Variants in MEIS1 observed in about 807,000 individuals in gnomAD.
MEIS1 encodes Meis homeobox 1.
MEIS1 carries 5 observed loss-of-function variants against 50.8 expected under a neutral mutation model. That is an observed-to-expected ratio of 0.10 (90% confidence interval 0.05 to 0.21). MEIS1 has a LOEUF of 0.21. Among genes scored for constraint, MEIS1 ranks in the 10% least tolerant of loss-of-function variants. The pLI, the probability that MEIS1 is intolerant of heterozygous loss-of-function variation, is 1.00. For missense variants in MEIS1, 318 were observed against 517.3 expected, an observed-to-expected ratio of 0.61 and a Z score of 3.74; for synonymous variants, 176 against 179.3, an observed-to-expected ratio of 0.98 and a Z score of 0.15.
intron 6 of MEIS1, among the ~76,000 whole-genome samples, chr2:66,454,062 C>T (rs540858586): frequency 2.7e-4 from 41 of 152,046 alleles, no homozygotes; most frequent in Non-Finnish European, 3.7e-4. Context: ...TGCACCTTGA[C>T]GGGCCTTAGT....
chr2:66,558,469 G>A (rs1675130954), intron 9 of MEIS1, among the ~76,000 whole-genome samples: 1 of 152,032 alleles, frequency 6.6e-6, no homozygotes, highest in African/African-American at 2.4e-5. Context: ...CTTTATTCGA[G>A]AGATTGTTTT....
intron 8 of MEIS1, among the ~76,000 whole-genome samples, chr2:66,529,418 C>T (rs11688599): frequency 0.23 from 35,474 of 152,124 alleles, 5,103 homozygotes; most frequent in Non-Finnish European, 0.33. Context: ...TGACTTTTGT[C>T]ATTTATTTGT....
At chr2:66,557,061 A>G (rs570531619) in intron 9 of MEIS1, among the ~76,000 whole-genome samples, 16 of 152,312 alleles carry the variant, frequency 1.1e-4, no homozygotes, top group African/African-American at 3.1e-4. Flanking sequence ...GCAAATAACA[A>G]AGGAATATAA....
chr2:66,494,950 C>T (rs193228041), intron 7 of MEIS1, among the ~76,000 whole-genome samples: 3 of 152,114 alleles, frequency 2.0e-5, no homozygotes, highest in East Asian at 1.9e-4. Flanking sequence ...CCCGGTGTTG[C>T]GAAATTACTG....
At chr2:66,461,565 C>A (rs923056684) in intron 6 of MEIS1, among the ~76,000 whole-genome samples, 3 of 152,128 alleles carry the variant, frequency 2.0e-5, no homozygotes, top group African/African-American at 7.2e-5. Flanking sequence ...TATTCATAGG[C>A]CTTCTGGAGG....
chr2:66,449,366 T>G (rs1672228204), intron 6 of MEIS1, among the ~76,000 whole-genome samples: 1 of 152,260 alleles, frequency 6.6e-6, no homozygotes, highest in East Asian at 1.9e-4. Flanking sequence ...TTTTGAATAT[T>G]TTGCCATCCT....
At chr2:66,498,008 G>T (rs1673451209) in intron 7 of MEIS1, among the ~76,000 whole-genome samples, 1 of 147,408 alleles carries the variant, frequency 6.8e-6, no homozygotes, top group Admixed American at 6.9e-5. Context: ...GGAAGAAAAA[G>T]AAAACAATAG....
At chr2:66,439,672 G>A in intron 2 of MEIS1, 171 bp from the exon 3 acceptor site, 4 of 1,539,590 alleles carry the variant, frequency 2.6e-6, no homozygotes, top group Non-Finnish European at 2.6e-6. Context: ...GGAAGGGGAG[G>A]TGAGCGGTCA....
At chr2:66,557,040 C>T (rs527325696) in intron 9 of MEIS1, among the ~76,000 whole-genome samples, 1 of 152,178 alleles carries the variant, frequency 6.6e-6, no homozygotes, top group South Asian at 2.1e-4. Context: ...CATGCTATTT[C>T]TTTTGAAATT....
intron 7 of MEIS1, among the ~76,000 whole-genome samples, chr2:66,489,604 C>T (rs1057479801): frequency 7.9e-5 from 12 of 152,164 alleles, no homozygotes; most frequent in Admixed American, 3.3e-4. Context: ...GAGTCAAGTG[C>T]ACAGTGCTGC....
intron 9 of MEIS1, among the ~76,000 whole-genome samples, chr2:66,557,739 T>A (rs990265255): frequency 6.6e-6 from 1 of 152,152 alleles, no homozygotes; most frequent in Non-Finnish European, 1.5e-5. Context: ...CATATACAAG[T>A]TTTGGTACCA....
intron 2 of MEIS1, chr2:66,439,628 A>G (rs777704774): frequency 2.0e-6 from 3 of 1,537,610 alleles, no homozygotes; most frequent in South Asian, 1.2e-5. Flanking sequence ...GATACCGTCC[A>G]TGGCTCAGGG....
At chr2:66,489,283 T>A (rs1421069764) in intron 7 of MEIS1, among the ~76,000 whole-genome samples, 4 of 152,238 alleles carry the variant, frequency 2.6e-5, no homozygotes, top group Admixed American at 2.6e-4. Context: ...GCCTTAGTTG[T>A]CTAAGAAGGT....
intron 6 of MEIS1, among the ~76,000 whole-genome samples, chr2:66,463,742 A>T (rs1672573195): frequency 6.6e-6 from 1 of 152,124 alleles, no homozygotes; most frequent in African/African-American, 2.4e-5. Context: ...CACCACTCTC[A>T]TTTTGCATTT....
At chr2:66,486,383 G>T (rs1572846865) in intron 7 of MEIS1, among the ~76,000 whole-genome samples, 1 of 152,260 alleles carries the variant, frequency 6.6e-6, no homozygotes, top group South Asian at 2.1e-4. Flanking sequence ...GTTTTTGTCA[G>T]GTTTGTCAAA....
chr2:66,458,767 G>A (rs951581993), intron 6 of MEIS1, among the ~76,000 whole-genome samples: 3 of 152,092 alleles, frequency 2.0e-5, no homozygotes, highest in African/African-American at 7.2e-5. Flanking sequence ...AGTGGTGTGT[G>A]TTTGTGTAAG....
intron 7 of MEIS1, among the ~76,000 whole-genome samples, chr2:66,498,385 A>G (rs1411507039): frequency 2.0e-5 from 3 of 152,164 alleles, no homozygotes; most frequent in African/African-American, 7.2e-5. Flanking sequence ...TCACACAGCT[A>G]TTAAGTGGTA....
At chr2:66,497,629 T>C (rs1673438921) in intron 7 of MEIS1, among the ~76,000 whole-genome samples, 2 of 152,192 alleles carry the variant, frequency 1.3e-5, no homozygotes. Flanking sequence ...GCATGGTGGC[T>C]CATGCCTGTA....
chr2:66,547,215 G>A (rs1271032395), intron 8 of MEIS1, among the ~76,000 whole-genome samples: 1 of 152,150 alleles, frequency 6.6e-6, no homozygotes, highest in Admixed American at 6.5e-5. Context: ...TTACAGGAAG[G>A]TATGAATTTC....
Sources: allele counts gnomAD v4.1 joint callset (sites outside exome capture counted in the v4.1 genomes callset), GRCh38; gene constraint gnomAD v4.1.1; transcripts MANE v1.5; gene names NCBI Gene and HGNC (gene_info 2026-07-23, HGNC 2026-07-21).